Variants in CLSTN2 observed in about 807,000 individuals in gnomAD.
CLSTN2 encodes calsyntenin-2.
CLSTN2 carries 48 observed loss-of-function variants against 101.2 expected under a neutral mutation model. The observed-to-expected ratio is 0.47, with a 90% CI of 0.38 to 0.60. The LOEUF is 0.60. Ranked by LOEUF, CLSTN2 falls within the 20% of genes least tolerant of loss-of-function variation. CLSTN2 has a pLI of 0.00. For synonymous variants in CLSTN2, 481 were observed against 463.6 expected (o/e 1.04, Z -0.48); for missense variants, 1,160 against 1,238.2 (o/e 0.94, Z 0.95).
chr3:140,254,287 A>C (rs1159024425), intron 2 of CLSTN2, among the ~76,000 whole-genome samples: 2 of 152,150 alleles, frequency 1.3e-5, no homozygotes, highest in Admixed American at 1.3e-4. Context: ...GCACCAGAGA[A>C]AGTACTTTTA....
At chr3:140,540,529 C>T (rs1001621012) in intron 9 of CLSTN2, among the ~76,000 whole-genome samples, 4 of 152,184 alleles carry the variant, frequency 2.6e-5, no homozygotes, top group Admixed American at 1.3e-4. Context: ...CAGATGGTCT[C>T]GTTATTTGCA....
In CLSTN2 at chr3:140,562,862, G is replaced by A. The variant is rs147446326; in HGVS notation, c.2264G>A (p.Arg755His). The A allele has an allele frequency of 1.5e-4, 250 of 1,614,124 alleles. 3 individuals carry two copies. The African/African-American group carries it at 2.7e-3, about 17-fold the overall frequency. The change falls in exon 14 of 17, where the codon CGC becomes CAC. Residue 755 changes from arginine to histidine, a missense_variant. Transcript: ENST00000458420. ...YEQVLHHIRY[R>H]NWRPASLEAR... Reference sequence around the variant, plus strand: ...CAGGTGCTACATCACATCCGCTACCGCAACTGGCGTCCGGCTTCCCTTGAG... The same window carrying A: ...CAGGTGCTACATCACATCCGCTACCACAACTGGCGTCCGGCTTCCCTTGAG...
intron 1 of CLSTN2, among the ~76,000 whole-genome samples, chr3:140,173,063 AAAAGT>A (rs1483242696): frequency 6.6e-6 from 1 of 152,216 alleles, no homozygotes; most frequent in African/African-American, 2.4e-5. Flanking sequence ...AGCATTAATC[AAAAGT>A]CCACAGTCTA....
At chr3:140,300,646 A>G (rs952600611) in intron 2 of CLSTN2, among the ~76,000 whole-genome samples, 3 of 152,184 alleles carry the variant, frequency 2.0e-5, no homozygotes, top group African/African-American at 7.2e-5. Flanking sequence ...AGGTGGGCCC[A>G]TGAAAGGCTG....
chr3:140,436,389 A>G (rs1398655206), intron 5 of CLSTN2, among the ~76,000 whole-genome samples: 2 of 152,238 alleles, frequency 1.3e-5, no homozygotes, highest in Non-Finnish European at 2.9e-5. Context: ...AAATAAGTTC[A>G]TTGTAAGTGT....
At chr3:139,984,378 C>G (rs537826502) in intron 1 of CLSTN2, among the ~76,000 whole-genome samples, 2 of 152,170 alleles carry the variant, frequency 1.3e-5, no homozygotes, top group African/African-American at 2.4e-5. Flanking sequence ...TCTAGTCACT[C>G]TCTCTGCTCT....
At chr3:140,240,303 T>TACACAC (rs10663002) in intron 2 of CLSTN2, among the ~76,000 whole-genome samples, 3 of 141,756 alleles carry the variant, frequency 2.1e-5, no homozygotes, top group Admixed American at 7.4e-5. Flanking sequence ...CATATATATA[T>TACACAC]ATACACACAC....
At chr3:140,205,102 G>T (rs1314276859) in intron 2 of CLSTN2, among the ~76,000 whole-genome samples, 2 of 152,148 alleles carry the variant, frequency 1.3e-5, no homozygotes, top group Non-Finnish European at 2.9e-5. Flanking sequence ...CCAGGAAGAG[G>T]GAAGACCTAT....
At chr3:140,296,757 A>G (rs567868482) in intron 2 of CLSTN2, among the ~76,000 whole-genome samples, 17 of 152,270 alleles carry the variant, frequency 1.1e-4, no homozygotes, top group African/African-American at 3.6e-4. Flanking sequence ...GGGTTTTACT[A>G]TTTCTAATCA....
chr3:140,117,379 C>T (rs2009262596), intron 1 of CLSTN2, among the ~76,000 whole-genome samples: 1 of 152,136 alleles, frequency 6.6e-6, no homozygotes, highest in Non-Finnish European at 1.5e-5. Context: ...GCCTGCTCCA[C>T]CACAGAACTT....
chr3:139,992,744 TA>T, intron 1 of CLSTN2, among the ~76,000 whole-genome samples: 1 of 152,000 alleles, frequency 6.6e-6, no homozygotes, highest in Non-Finnish European at 1.5e-5. Context: ...CAAGGAGAAA[TA>T]GAAGAATATG....
Position 140,169,919 on chromosome 3 carries a change from C to T in CLSTN2, c.110-6032C>T, listed in dbSNP as rs144326224. ...CATACATCATTTCATGCAATTTTCA[C>T]GACATTCCTGAGAAATAAGTATCTT... On this transcript the variant is annotated intron_variant, in intron 1 of 16. Transcript: ENST00000458420. Among the ~76,000 whole-genome samples the T allele has an allele frequency of 7.6e-4, 115 of 152,076 alleles. 2 individuals carry two copies. The highest frequency in any genetic ancestry group is 1.2e-3 in the Non-Finnish European group (80 of 67,990).
At chr3:140,547,652 G>A (rs557105904) in intron 10 of CLSTN2, among the ~76,000 whole-genome samples, 94 of 152,166 alleles carry the variant, frequency 6.2e-4, no homozygotes, top group Non-Finnish European at 1.3e-3. Context: ...GGCAGGGAGG[G>A]ATGTGACAGA....
chr3:140,317,570 C>G (rs1428888662), intron 2 of CLSTN2, among the ~76,000 whole-genome samples: 1 of 152,164 alleles, frequency 6.6e-6, no homozygotes, highest in Non-Finnish European at 1.5e-5. Context: ...ACCAACCTCT[C>G]CAGACTTTGT....
At chr3:140,461,793 A>G (rs1015705642) in intron 7 of CLSTN2, among the ~76,000 whole-genome samples, 19 of 152,124 alleles carry the variant, frequency 1.2e-4, no homozygotes, top group African/African-American at 4.3e-4. Flanking sequence ...AGCACCCCCA[A>G]ATTAGCAGCA....
intron 1 of CLSTN2, among the ~76,000 whole-genome samples, chr3:140,128,961 A>G (rs2009479474): frequency 6.6e-6 from 1 of 152,140 alleles, no homozygotes; most frequent in South Asian, 2.1e-4. Flanking sequence ...GTGCATACTT[A>G]CATTCTCAGT....
intron 1 of CLSTN2, among the ~76,000 whole-genome samples, chr3:139,994,011 T>C (rs1361638989): frequency 6.6e-6 from 1 of 151,928 alleles, no homozygotes; most frequent in Non-Finnish European, 1.5e-5. Flanking sequence ...CTAGGATGAG[T>C]GTGATGGGAT....
At chr3:140,411,525 A>G (rs770596282) in intron 4 of CLSTN2, among the ~76,000 whole-genome samples, 1 of 152,276 alleles carries the variant, frequency 6.6e-6, no homozygotes, top group East Asian at 1.9e-4. Context: ...CATAAAATCA[A>G]TAAGGAAACA....
chr3:140,558,088 C>T (rs1935835250), intron 11 of CLSTN2, among the ~76,000 whole-genome samples: 2 of 152,232 alleles, frequency 1.3e-5, no homozygotes, highest in South Asian at 2.1e-4. Context: ...AGACCTCGCT[C>T]TTTTGGTCAC....
Sources: gnomAD v4.1 joint callset for allele counts (sites outside exome capture counted in the v4.1 genomes callset) on GRCh38, gnomAD v4.1.1 for gene constraint, MANE v1.5 for transcripts, NCBI Gene and HGNC (gene_info 2026-07-23, HGNC 2026-07-21) for gene names.